PDE7B: variants seen among roughly 807,000 people sequenced by gnomAD.
PDE7B encodes phosphodiesterase 7B, also known as 3',5'-cyclic-AMP phosphodiesterase 7B.
PDE7B carries 29 observed loss-of-function variants against 56.2 expected under a neutral mutation model. That is an observed-to-expected ratio of 0.52 (90% CI 0.38 to 0.70). The LOEUF (loss-of-function observed/expected upper bound fraction) is 0.70. Ranked by LOEUF, PDE7B falls within the 30% of genes least tolerant of loss-of-function variation. PDE7B has a pLI of 0.00. For synonymous variants in PDE7B, 197 were observed against 196.9 expected, an observed-to-expected ratio of 1.00 and a Z score of 0.00; for missense variants, 490 against 565.0, an observed-to-expected ratio of 0.87 and a Z score of 1.35.
intron 1 of PDE7B, among the ~76,000 whole-genome samples, chr6:135,866,872 C>A (rs532402803): frequency 6.6e-6 from 1 of 152,116 alleles, no homozygotes; most frequent in South Asian, 2.1e-4. Flanking sequence ...ATAATATAAA[C>A]CCTAGAGTAA....
chr6:136,003,964 G>A (rs1583822659), intron 2 of PDE7B, among the ~76,000 whole-genome samples: 2 of 152,048 alleles, frequency 1.3e-5, no homozygotes, highest in African/African-American at 2.4e-5. Flanking sequence ...TAAAATACTG[G>A]CAAACCGAAT....
At chr6:135,961,463 A>G (rs775546912) in intron 2 of PDE7B, among the ~76,000 whole-genome samples, 1 of 152,124 alleles carries the variant, frequency 6.6e-6, no homozygotes, top group Non-Finnish European at 1.5e-5. Context: ...ATTTGACTCA[A>G]TAAAAACAGT....
intron 2 of PDE7B, among the ~76,000 whole-genome samples, chr6:136,052,368 G>C (rs1039951892): frequency 3.3e-5 from 5 of 152,222 alleles, no homozygotes; most frequent in Admixed American, 1.3e-4. Context: ...ATGTGGAGCA[G>C]TTTTTGATGA....
chr6:136,015,268 G>A (rs374783079), intron 2 of PDE7B, among the ~76,000 whole-genome samples: 3 of 152,136 alleles, frequency 2.0e-5, no homozygotes, highest in Non-Finnish European at 4.4e-5. Flanking sequence ...TGCGGGGGTC[G>A]GGGGAGAATT....
In PDE7B at chr6:136,014,821, C is replaced by T. The variant is rs181134065; in HGVS notation, c.82+67297C>T. 4.2e-4 allele frequency among the ~76,000 whole-genome samples: 64 copies of T among 152,178 alleles called. 1 individual carries two copies. In the East Asian group the frequency reaches 0.011, roughly 26 times the overall value. ...TGACAATGCGTAAAACACATTGGCC[C>T]TCTGTTATTTTTCCATCAATTCAGA... On this transcript the variant is annotated intron_variant, in intron 2 of 12. Transcript: ENST00000308191.
intron 2 of PDE7B, among the ~76,000 whole-genome samples, chr6:136,098,818 C>T (rs1310828031): frequency 2.0e-5 from 3 of 151,874 alleles, no homozygotes; most frequent in Non-Finnish European, 4.4e-5. Context: ...GGTACATGAG[C>T]ACAACGTGCA....
chr6:136,052,943 G>C (rs1776657876), intron 2 of PDE7B, among the ~76,000 whole-genome samples: 1 of 151,894 alleles, frequency 6.6e-6, no homozygotes, highest in Non-Finnish European at 1.5e-5. Context: ...TGTCAGACCT[G>C]TCCCAAGGCA....
intron 2 of PDE7B, among the ~76,000 whole-genome samples, chr6:136,026,687 A>G (rs1298973352): frequency 6.6e-6 from 1 of 152,170 alleles, no homozygotes. Context: ...TTCATAGGAG[A>G]TCATGATAAT....
At chr6:136,083,412 GA>G (rs541749961) in intron 2 of PDE7B, among the ~76,000 whole-genome samples, 9 of 151,902 alleles carry the variant, frequency 5.9e-5, no homozygotes, top group Middle Eastern at 3.4e-3. Context: ...CACCTGTATA[GA>G]AAAAAAATGG....
chr6:135,934,083 C>T (rs960440591), intron 1 of PDE7B, among the ~76,000 whole-genome samples: 8 of 152,094 alleles, frequency 5.3e-5, no homozygotes, highest in South Asian at 2.1e-4. Flanking sequence ...CATACTAGAG[C>T]GTAAGTACTA....
intron 1 of PDE7B, among the ~76,000 whole-genome samples, chr6:135,856,880 T>G (rs1775039514): frequency 6.6e-6 from 1 of 152,180 alleles, no homozygotes; most frequent in Non-Finnish European, 1.5e-5. Flanking sequence ...AGTATAGAAG[T>G]ATGAAAATAA....
chr6:136,001,920 G>A (rs1300686768), intron 2 of PDE7B, among the ~76,000 whole-genome samples: 4 of 151,984 alleles, frequency 2.6e-5, no homozygotes, highest in Non-Finnish European at 5.9e-5. Context: ...AAGTTGAAAT[G>A]AAGGAAAAAA....
chr6:136,181,242 G>T lies in PDE7B; in HGVS notation c.964G>T (p.Ala322Ser), dbSNP rs1372455504. 1 of 1,613,390 alleles carries T rather than the reference G, an allele frequency of 6.2e-7. No homozygotes were observed. Residue 322 changes from alanine (A) to serine (S), a missense_variant, in exon 11 of 13, where the codon GCT becomes TCT. Transcript: ENST00000308191. ...HFMLQIALKC[A>S]DICNPCRIWE... ...CATTTCTCAGATCGCCTTGAAGTGT[G>T]CTGACATTTGCAATCCTTGTAGAAT...
At chr6:135,864,065 C>T (rs2128185148) in intron 1 of PDE7B, among the ~76,000 whole-genome samples, 2 of 152,070 alleles carry the variant, frequency 1.3e-5, no homozygotes, top group South Asian at 4.1e-4. Flanking sequence ...ATTGCACTGC[C>T]CCCTTTCCGT....
intron 2 of PDE7B, among the ~76,000 whole-genome samples, chr6:136,063,928 A>G (rs1776888286): frequency 6.6e-6 from 1 of 152,170 alleles, no homozygotes; most frequent in East Asian, 1.9e-4. Flanking sequence ...GGCTAACATA[A>G]TAAATTCCCC....
At chr6:136,158,552 C>G (rs1429560052) in intron 8 of PDE7B, among the ~76,000 whole-genome samples, 1 of 152,112 alleles carries the variant, frequency 6.6e-6, no homozygotes, top group East Asian at 1.9e-4. Context: ...TCTTTTAGTT[C>G]TAATAAATAA....
chr6:136,173,772 T>C, intron 8 of PDE7B, 25 bp from the exon 9 acceptor site: 1 of 1,461,780 alleles, frequency 6.8e-7, no homozygotes, highest in Non-Finnish European at 9.6e-7. Context: ...CTCTCATTTA[T>C]AACTCTTATT....
At chr6:135,943,956 A>G (rs1327713416) in intron 1 of PDE7B, among the ~76,000 whole-genome samples, 1 of 152,234 alleles carries the variant, frequency 6.6e-6, no homozygotes. Flanking sequence ...GAGTTCTTCA[A>G]TAACTATGCC....
chr6:135,942,191 AT>A (rs149648187), intron 1 of PDE7B, among the ~76,000 whole-genome samples: 4 of 152,080 alleles, frequency 2.6e-5, no homozygotes, highest in Non-Finnish European at 5.9e-5. Context: ...CCTAACATCA[AT>A]TTTTTTATAA....
Sources: allele counts gnomAD v4.1 joint callset (sites outside exome capture counted in the v4.1 genomes callset), GRCh38; gene constraint gnomAD v4.1.1; transcripts MANE v1.5; gene names NCBI Gene and HGNC (gene_info 2026-07-23, HGNC 2026-07-21).